Variants in MKLN1 observed in about 807,000 individuals in gnomAD.
The protein encoded by MKLN1 is muskelin 1.
MKLN1 carries 18 observed loss-of-function variants against 99.0 expected under a neutral mutation model. The ratio of observed to expected loss-of-function variants is 0.18; its 90% CI spans 0.13 to 0.27. The LOEUF (loss-of-function observed/expected upper bound fraction) is 0.27. Among genes scored for constraint, MKLN1 ranks in the 10% least tolerant of loss-of-function variants. MKLN1 has a pLI of 1.00. For synonymous variants in MKLN1, 288 were observed against 293.2 expected (o/e 0.98, Z 0.18); for missense variants, 621 against 875.9 (o/e 0.71, Z 3.67).
At chr7:131,249,771 T>C (rs1797548981) in intron 3 of MKLN1, among the ~76,000 whole-genome samples, 1 of 151,894 alleles carries the variant, frequency 6.6e-6, no homozygotes, top group South Asian at 2.1e-4. Flanking sequence ...TCCTTGGGGA[T>C]GCAAAGGGGG....
chr7:131,199,671 C>T (rs13231072), intron 2 of MKLN1, among the ~76,000 whole-genome samples: 56,680 of 151,998 alleles, frequency 0.37, 11,042 homozygotes, highest in South Asian at 0.59. Context: ...TTTCTGAGCA[C>T]GTGAAATATT....
chr7:131,399,267 T>C lies in MKLN1; in HGVS notation c.537T>C (p.Leu179=), dbSNP rs1794456268. 2 of 1,614,022 alleles carry C rather than the reference T, an allele frequency of 1.2e-6. No homozygotes were observed. Reference sequence around the variant, plus strand: ...ACCGTGAACAGGAAGCTATTCGCCTTTGCCTAAAACACTTCAGACAACACA... The same window carrying C: ...ACCGTGAACAGGAAGCTATTCGCCTCTGCCTAAAACACTTCAGACAACACA... The part of the protein sequence containing the change: ...SKYREQEAIR[L]CLKHFRQHNY... The change falls in exon 6 of 18, where the codon CTT becomes CTC. Residue 179 remains leucine, a synonymous_variant. Coordinates refer to ENST00000352689, the MANE Select transcript of MKLN1 (RefSeq NM_013255.5).
rs540969885 is a variant in MKLN1, at chr7:131,464,432, A to G, written c.1788+24A>G. 2.2e-6 allele frequency: 3 copies of G among 1,394,432 alleles called. No homozygotes were observed. In the South Asian group the frequency reaches 3.5e-5, roughly 16 times the overall value. 86.4% of individuals were successfully genotyped at this position (1,394,432 alleles called of 1,614,324 possible). A position where few individuals can be genotyped will look rare whatever the true frequency, so the allele number is the denominator to read the frequency against. On this transcript the variant is annotated intron_variant, in intron 14 of 17. Transcript: ENST00000352689. ...AGGTATCCTAACTACATTGACCTGT[A>G]AACTTTCCATGGCCTACTATCTGAA...
rs978637923 is a variant in MKLN1 at position 131,493,463 on chromosome 7, A to T, written c.*5735A>T. 6.6e-6 allele frequency: 1 copy of T among 152,202 alleles called. No individual in the cohort carries two copies. Among genetic ancestry groups the T allele is most frequent in the Non-Finnish European group, 1.5e-5 (1 of 68,036 alleles). 9.4% of individuals were successfully genotyped at this position (152,202 alleles called of 1,614,324 possible). A position where few individuals can be genotyped will look rare whatever the true frequency, so the allele number is the denominator to read the frequency against. On this transcript the variant is annotated 3_prime_UTR_variant, in exon 18 of 18. Transcript: ENST00000352689. ...ATAATTTTGTTAATGAGATGCTGGG[A>T]AGAAGACTACCAAAAGGCCTCAAAG...
At chr7:131,461,804 G>C (rs977179140) in intron 12 of MKLN1, among the ~76,000 whole-genome samples, 3 of 152,134 alleles carry the variant, frequency 2.0e-5, no homozygotes. Flanking sequence ...TGAAGTAGCT[G>C]AGTTCATAAT....
At chr7:131,469,393 T>TATTAGGAAGAATTCTGCC (rs549936067) in intron 15 of MKLN1, among the ~76,000 whole-genome samples, 32 of 152,320 alleles carry the variant, frequency 2.1e-4, no homozygotes, top group Non-Finnish European at 3.4e-4. Flanking sequence ...AGAGTGTCCC[T>TATTAGGAAGAATTCTGCC]ATTAGGAAGA....
Position 131,218,050 on chromosome 7 carries a change from G to A in MKLN1, c.-179+15076G>A, listed in dbSNP as rs979720416. Among the ~76,000 whole-genome samples, 31 of 152,172 alleles carry A rather than the reference G, an allele frequency of 2.0e-4. 1 individual carries two copies. Among genetic ancestry groups the A allele is most frequent in the African/African-American group, 6.5e-4 (27 of 41,430 alleles). ...TGGCAGGCAGGAGCTAGGGAATGGG[G>A]AATGCTGATTGGTTGGGTTGGGATG... On this transcript the variant is annotated intron_variant, in intron 3 of 7. Transcript: ENST00000416992.
rs548558325 is a variant in MKLN1, at chr7:131,170,864, G to C, written c.-297+27923G>C. 7.9e-5 allele frequency among the ~76,000 whole-genome samples: 12 copies of C among 152,266 alleles called. No individual in the cohort carries two copies. The East Asian group carries it at 2.3e-3, about 29-fold the overall frequency. On this transcript the variant is annotated intron_variant, in intron 2 of 7. Coordinates refer to the MKLN1 transcript ENST00000416992. ...GAAAACGCTGAAGTACTTCATCATA[G>C]TACATTTTAATTTTTCCCTGCATTG...
intron 10 of MKLN1, among the ~76,000 whole-genome samples, chr7:131,440,521 A>G (rs1403376338): frequency 2.6e-5 from 4 of 152,252 alleles, no homozygotes; most frequent in Admixed American, 6.5e-5. Context: ...TTAGAGAGAC[A>G]TTCTAAAGAA....
At chr7:131,287,256 A>G (rs1160856672) in intron 3 of MKLN1, among the ~76,000 whole-genome samples, 1 of 152,244 alleles carries the variant, frequency 6.6e-6, no homozygotes, top group East Asian at 1.9e-4. Flanking sequence ...GTTTTCTGTG[A>G]CTGCCGTAAC....
At chr7:131,139,665 A>T (rs1270393645) in intron 1 of MKLN1, among the ~76,000 whole-genome samples, 2 of 152,180 alleles carry the variant, frequency 1.3e-5, no homozygotes, top group Non-Finnish European at 1.5e-5. Context: ...GAACAGATTC[A>T]TCCCTCTGTA....
chr7:131,184,336 A>T (rs1796417878), intron 2 of MKLN1, among the ~76,000 whole-genome samples: 2 of 151,860 alleles, frequency 1.3e-5, no homozygotes, highest in South Asian at 4.2e-4. Context: ...CTCCAAATCC[A>T]TATTTGTTTC....
intron 1 of MKLN1, among the ~76,000 whole-genome samples, chr7:131,344,747 A>G (rs1474574034): frequency 6.6e-6 from 1 of 152,156 alleles, no homozygotes; most frequent in Non-Finnish European, 1.5e-5. Context: ...GTGGTTCTCA[A>G]TTCTTTTAAA....
chr7:131,382,226 G>T (rs931898689), intron 2 of MKLN1, among the ~76,000 whole-genome samples: 1 of 151,978 alleles, frequency 6.6e-6, no homozygotes, highest in Non-Finnish European at 1.5e-5. Context: ...TTAGCCAGGC[G>T]TGGTGGCTCA....
At chr7:131,430,876 C>T (rs965755210) in intron 9 of MKLN1, among the ~76,000 whole-genome samples, 1 of 152,048 alleles carries the variant, frequency 6.6e-6, no homozygotes. Context: ...TGCAGTGAGC[C>T]ATTACAGTGT....
intron 2 of MKLN1, among the ~76,000 whole-genome samples, chr7:131,159,846 A>G (rs1391811631): frequency 6.6e-6 from 1 of 152,176 alleles, no homozygotes; most frequent in Non-Finnish European, 1.5e-5. Context: ...CACTTTACAT[A>G]TGTTAACTAT....
intron 2 of MKLN1, among the ~76,000 whole-genome samples, chr7:131,202,222 T>A (rs1416056017): frequency 7.1e-6 from 1 of 140,726 alleles, no homozygotes; most frequent in Non-Finnish European, 1.5e-5. Context: ...AGCAGTGATG[T>A]GATCTCAGCT....
At chr7:131,245,513 G>GC (rs1020289577) in intron 3 of MKLN1, among the ~76,000 whole-genome samples, 3 of 151,898 alleles carry the variant, frequency 2.0e-5, no homozygotes, top group Middle Eastern at 3.2e-3. Flanking sequence ...GGTGATCCGC[G>GC]CCCCCCGCCC....
chr7:131,233,355 A>G (rs4728212), intron 3 of MKLN1, among the ~76,000 whole-genome samples: 112,708 of 150,988 alleles, frequency 0.75, 42,540 homozygotes, highest in South Asian at 0.83. Context: ...GGGTGACAGA[A>G]GGAGACCCTG....
Sources: gnomAD v4.1 joint callset for allele counts (sites outside exome capture counted in the v4.1 genomes callset) on GRCh38, gnomAD v4.1.1 for gene constraint, MANE v1.5 for transcripts, NCBI Gene and HGNC (gene_info 2026-07-23, HGNC 2026-07-21) for gene names.